Variants in ABI3BP observed in about 807,000 individuals in gnomAD.
ABI3BP encodes target of Nesh-SH3.
A neutral mutation model predicts 268.6 loss-of-function variants in ABI3BP; 216 were observed. That is an observed-to-expected ratio of 0.80 (90% CI 0.72 to 0.90). The LOEUF (loss-of-function observed/expected upper bound fraction) is 0.90. Ranked by LOEUF, ABI3BP falls within the 40% of genes least tolerant of loss-of-function variation. The pLI is 0.00. For synonymous variants in ABI3BP, 730 were observed against 730.0 expected (o/e 1.00, Z 0.00); for missense variants, 2,090 against 2,182.4 (o/e 0.96, Z 0.84).
chr3:100,825,923 T>C, intron 34 of ABI3BP, 79 bp from the exon 35 acceptor site: 1 of 993,518 alleles, frequency 1.0e-6, no homozygotes, highest in South Asian at 1.4e-5. Context: ...GTATCTTGCT[T>C]GTGTAACACT....
chr3:100,869,330 G>GGTTTTTTTTTTTTT (rs2099085420), intron 9 of ABI3BP, among the ~76,000 whole-genome samples: 6 of 49,760 alleles, frequency 1.2e-4, no homozygotes, highest in Non-Finnish European at 1.7e-4. Flanking sequence ...CTTCTTTTTG[G>GGTTTTTTTTTTTTT]TTTTTTTTTT....
rs755386985 is a variant in ABI3BP at position 100,792,684 on chromosome 3, G to A, written c.4024+7C>T. The A allele has an allele frequency of 1.2e-6, 2 of 1,609,968 alleles. No individual in the cohort carries two copies. The highest frequency in any genetic ancestry group is 1.7e-6 in the Non-Finnish European group (2 of 1,177,056). On this transcript the variant is annotated splice_region_variant and intron_variant, in intron 55 of 67. Transcript: ENST00000471714. ...AGTTATTCTCCAGAGGTAGGGGAGA[G>A]GATTACCCTGAGTTGTCTTTGCTAG... is the stretch of plus-strand genomic sequence containing the variant.
At position 100,868,606 on chromosome 3, in the gene ABI3BP, T is replaced by C. The variant is rs915333010; in HGVS notation, c.911-1650A>G. Among the ~76,000 whole-genome samples the C allele has an allele frequency of 8.5e-5, 13 of 152,202 alleles. No homozygotes were observed. In the East Asian group the frequency reaches 2.5e-3, roughly 29 times the overall value. On this transcript the variant is annotated intron_variant, in intron 9 of 67. Coordinates refer to ENST00000471714, the MANE Select transcript of ABI3BP (RefSeq NM_001375547.2). Reference sequence around the variant, plus strand: ...TTTATAGCAGCAAATCAGTTTTCAATCCCTACTTGATAAAGGCATACAACA... The same window carrying C: ...TTTATAGCAGCAAATCAGTTTTCAACCCCTACTTGATAAAGGCATACAACA...
intron 2 of ABI3BP, among the ~76,000 whole-genome samples, chr3:100,916,035 T>C (rs1276826873): frequency 6.6e-6 from 1 of 152,232 alleles, no homozygotes; most frequent in African/African-American, 2.4e-5. Flanking sequence ...ATGTAGTTTT[T>C]TCCTTGCCCG....
At chr3:100,783,260 C>T (rs1342546786) in intron 57 of ABI3BP, among the ~76,000 whole-genome samples, 3 of 152,078 alleles carry the variant, frequency 2.0e-5, no homozygotes, top group African/African-American at 7.2e-5. Flanking sequence ...TAGTTACAGC[C>T]CAGAAAAACA....
intron 1 of ABI3BP, among the ~76,000 whole-genome samples, chr3:100,945,097 G>A (rs2071465946): frequency 6.6e-6 from 1 of 152,108 alleles, no homozygotes; most frequent in Non-Finnish European, 1.5e-5. Flanking sequence ...ATACTCAAAA[G>A]TGTCTCTAAC....
intron 63 of ABI3BP, among the ~76,000 whole-genome samples, chr3:100,761,819 TATC>T (rs1162035369): frequency 6.6e-6 from 1 of 152,210 alleles, no homozygotes; most frequent in African/African-American, 2.4e-5. Context: ...AGCCAGTAAT[TATC>T]ATCTGAATTC....
chr3:100,906,508 A>G (rs992260200), intron 2 of ABI3BP, among the ~76,000 whole-genome samples: 2 of 152,252 alleles, frequency 1.3e-5, no homozygotes, highest in African/African-American at 4.8e-5. Flanking sequence ...TTGTGGATTT[A>G]TAGTAGCCTG....
At chr3:100,827,924 T>C (rs1437331405) in intron 34 of ABI3BP, among the ~76,000 whole-genome samples, 1 of 152,050 alleles carries the variant, frequency 6.6e-6, no homozygotes, top group Non-Finnish European at 1.5e-5. Flanking sequence ...ATTAATTCAC[T>C]AAAAATATTA....
Position 100,864,815 on chromosome 3 carries a change from A to G in ABI3BP, c.1063+18T>C, listed in dbSNP as rs1560992450. 1 of 1,569,042 alleles carries G rather than the reference A, an allele frequency of 6.4e-7. No individual in the cohort carries two copies. The highest frequency in any genetic ancestry group is 1.9e-5 in the Admixed American group (1 of 53,016). Reference sequence around the variant, plus strand: ...TTACTTTTGTTTTTTTAGAAAAAAAAAAAGTTCTTAGAATTACCCAGTGTT... The same window carrying G: ...TTACTTTTGTTTTTTTAGAAAAAAAGAAAGTTCTTAGAATTACCCAGTGTT... On this transcript the variant is annotated intron_variant, in intron 11 of 67. Transcript: ENST00000471714.
chr3:100,822,338 A>G (rs1341112975), intron 38 of ABI3BP, among the ~76,000 whole-genome samples: 8 of 152,186 alleles, frequency 5.3e-5, no homozygotes, highest in African/African-American at 1.9e-4. Flanking sequence ...TTTTTAAGAG[A>G]TAAATGGAAG....
chr3:100,783,878 G>C (rs1206296364), intron 57 of ABI3BP, among the ~76,000 whole-genome samples: 1 of 152,198 alleles, frequency 6.6e-6, no homozygotes, highest in South Asian at 2.1e-4. Context: ...CCTTGGCCTG[G>C]TGTGTGCATG....
At position 100,912,188 on chromosome 3, in the gene ABI3BP, G is replaced by C. The variant is rs143597861; in HGVS notation, c.260-9502C>G. The C allele has an allele frequency of 2.8e-3, 707 of 253,608 alleles. 7 individuals carry two copies. Among genetic ancestry groups the C allele is most frequent in the African/African-American group, 0.015 (637 of 42,896 alleles). The allele number at this position is 253,608 out of a possible 1,614,324, so 15.7% of individuals were successfully genotyped here. On this transcript the variant is annotated intron_variant, in intron 2 of 67. Coordinates refer to ENST00000471714, the MANE Select transcript of ABI3BP (RefSeq NM_001375547.2). ...GCTCTTACCCTTCGTGCTGCCGTCG[G>C]CTCAGGCTTCAGGAGACCTAACTTC...
intron 1 of ABI3BP, among the ~76,000 whole-genome samples, chr3:100,955,703 C>A (rs1193305512): frequency 6.6e-6 from 1 of 152,110 alleles, no homozygotes; most frequent in Admixed American, 6.5e-5. Flanking sequence ...GTATTTATTT[C>A]TCTTAAAATC....
intron 57 of ABI3BP, among the ~76,000 whole-genome samples, chr3:100,781,952 A>T (rs1200843085): frequency 6.6e-6 from 1 of 152,232 alleles, no homozygotes; most frequent in Non-Finnish European, 1.5e-5. Flanking sequence ...TCAGGCCTAC[A>T]TATGCCAGGA....
intron 44 of ABI3BP, 38 bp downstream of exon 44, chr3:100,815,874 A>G (rs2098024434): frequency 6.8e-7 from 1 of 1,475,560 alleles, no homozygotes; most frequent in Admixed American, 2.4e-5. Context: ...TTTAAATGGC[A>G]ATAAAAAGCA....
At chr3:100,894,667 C>T (rs192234248) in intron 4 of ABI3BP, among the ~76,000 whole-genome samples, 1,875 of 152,038 alleles carry the variant, frequency 0.012, 94 homozygotes, top group Admixed American at 0.095. Flanking sequence ...CGGCCGGGCG[C>T]GGTGGCTCAC....
At chr3:100,963,167 T>C (rs2079781848) in intron 1 of ABI3BP, among the ~76,000 whole-genome samples, 1 of 152,128 alleles carries the variant, frequency 6.6e-6, no homozygotes. Flanking sequence ...TCCACCTCCA[T>C]TTCCAAGATG....
chr3:100,773,043 A>G (rs984872094), intron 61 of ABI3BP, among the ~76,000 whole-genome samples: 1 of 150,094 alleles, frequency 6.7e-6, no homozygotes, highest in East Asian at 2.0e-4. Context: ...ACACCACTGC[A>G]CTTCAGCCTG....
Sources: allele counts gnomAD v4.1 joint callset (sites outside exome capture counted in the v4.1 genomes callset), GRCh38; gene constraint gnomAD v4.1.1; transcripts MANE v1.5; gene names NCBI Gene and HGNC (gene_info 2026-07-23, HGNC 2026-07-21).